The following GHR variants were observed in gnomAD, a reference collection of about 807,000 sequenced individuals.
GHR encodes the protein GH receptor.
In GHR, 35 loss-of-function variants were observed where a neutral mutation model predicts 67.1. The observed-to-expected ratio is 0.52, with a 90% CI of 0.40 to 0.69. The LOEUF (loss-of-function observed/expected upper bound fraction) is 0.69, where lower values mean the gene tolerates loss of function less well. Among genes scored for constraint, GHR ranks in the 30% least tolerant of loss-of-function variants. The pLI is 0.00. For synonymous variants in GHR, 272 were observed against 269.1 expected (o/e 1.01, Z -0.10); for missense variants, 792 against 764.6 (o/e 1.04, Z -0.42).
rs553269998 is a variant in GHR, at chr5:42,562,792, A to C, written c.-11-3072A>C. Among the ~76,000 whole-genome samples the C allele has an allele frequency of 1.7e-3, 262 of 151,738 alleles. 9 individuals carry two copies. The South Asian group carries it at 0.051, about 30-fold the overall frequency. ...CAGCCTCCCGAGTAGCTGGGATTAC[A>C]GGCATGCGCTGCCATGCCCAGCTAA... On this transcript the variant is annotated intron_variant, in intron 1 of 9. Coordinates refer to ENST00000230882, the MANE Select transcript of GHR (RefSeq NM_000163.5).
chr5:42,488,630 C>A (rs1745982793), intron 1 of GHR, among the ~76,000 whole-genome samples: 1 of 152,040 alleles, frequency 6.6e-6, no homozygotes, highest in African/African-American at 2.4e-5. Flanking sequence ...ATAGGGAAGA[C>A]CTACCAAATA....
intron 1 of GHR, among the ~76,000 whole-genome samples, chr5:42,483,255 T>C (rs1745733877): frequency 6.6e-6 from 1 of 152,148 alleles, no homozygotes; most frequent in Non-Finnish European, 1.5e-5. Context: ...TTTTGCCATG[T>C]TGCCCAGGCT....
rs985187200 is a variant in GHR at position 42,719,366 on chromosome 5, A to C, written c.1859A>C (p.Glu620Ala). 5 of 1,614,072 alleles carry C rather than the reference A, an allele frequency of 3.1e-6. No homozygotes were observed. The highest frequency in any genetic ancestry group is 3.4e-6 in the Non-Finnish European group (4 of 1,179,920). Reference sequence around the variant, plus strand: ...ACTGCCTTGCCCTTGCCTGACAAAGAGTTTCTCTCATCATGTGGCTATGTG... The same window carrying C: ...ACTGCCTTGCCCTTGCCTGACAAAGCGTTTCTCTCATCATGTGGCTATGTG... ...NATALPLPDKEFLSSCGYVST... is the reference protein window; with the variant it reads ...NATALPLPDKAFLSSCGYVST... Residue 620 changes from glutamate (E) to alanine (A), a missense_variant, in exon 10 of 10, where the codon GAG becomes GCG. By Grantham distance (107) the Glu-to-Ala change is moderately radical. Coordinates refer to ENST00000230882, the MANE Select transcript of GHR (RefSeq NM_000163.5).
At chr5:42,430,373 C>A (rs902323882) in intron 1 of GHR, among the ~76,000 whole-genome samples, 6 of 152,080 alleles carry the variant, frequency 3.9e-5, no homozygotes, top group Non-Finnish European at 8.8e-5. Flanking sequence ...TACACACACA[C>A]AAAAACATAT....
chr5:42,718,918 G>GCTCA lies in GHR; in HGVS notation c.1412_1413insTCAC (p.Ile473ProfsTer27). Reference sequence around the variant, plus strand: ...AGGAGCTGAGTCAACTCACCAAGCTGCCCATATTCAGCTAAGCAATCCAAG... The same window carrying GCTCA: ...AGGAGCTGAGTCAACTCACCAAGCTGCTCACCCATATTCAGCTAAGCAATCCAAG... On this transcript the variant is annotated frameshift_variant, in exon 10 of 10. Transcript: ENST00000230882. LOFTEE classifies it high-confidence loss of function. 8 of 1,614,120 alleles carry GCTCA rather than the reference G, an allele frequency of 5.0e-6. No homozygotes were observed. The highest frequency in any genetic ancestry group is 6.8e-6 in the Non-Finnish European group (8 of 1,180,008).
intron 1 of GHR, among the ~76,000 whole-genome samples, chr5:42,427,832 G>A (rs1358300284): frequency 3.3e-5 from 5 of 152,160 alleles, no homozygotes; most frequent in African/African-American, 1.2e-4. Context: ...GGGGCTATAG[G>A]TGCAAGTCCA....
At chr5:42,678,911 T>G (rs1756698457) in intron 3 of GHR, among the ~76,000 whole-genome samples, 1 of 149,954 alleles carries the variant, frequency 6.7e-6, no homozygotes, top group African/African-American at 2.4e-5. Flanking sequence ...AATAAGTATG[T>G]GAGAACATTT....
intron 1 of GHR, among the ~76,000 whole-genome samples, chr5:42,464,081 T>C (rs1323260340): frequency 1.5e-5 from 2 of 136,808 alleles, no homozygotes; most frequent in Non-Finnish European, 1.5e-5. Flanking sequence ...GTGCTCAGAG[T>C]CACATAACTT....
At chr5:42,582,407 C>T (rs900854885) in intron 2 of GHR, among the ~76,000 whole-genome samples, 4 of 152,226 alleles carry the variant, frequency 2.6e-5, no homozygotes, top group African/African-American at 9.7e-5. Flanking sequence ...TCATAAAATC[C>T]CTGGACTTAT....
intron 1 of GHR, among the ~76,000 whole-genome samples, chr5:42,452,425 G>A (rs1057381122): frequency 6.6e-6 from 1 of 152,098 alleles, no homozygotes; most frequent in African/African-American, 2.4e-5. Context: ...TGAGCTTCCT[G>A]TATTTGGATA....
Position 42,467,449 on chromosome 5 carries a change from C to T in GHR, c.-12+43494C>T, listed in dbSNP as rs112920422. 2,529 of 968,290 alleles carry T rather than the reference C, an allele frequency of 2.6e-3. 40 individuals carry two copies. The African/African-American group carries it at 0.036, about 14-fold the overall frequency. 60.0% of individuals were successfully genotyped at this position (968,290 alleles called of 1,614,324 possible). A position where few individuals can be genotyped will look rare whatever the true frequency, so the allele number is the denominator to read the frequency against. On this transcript the variant is annotated intron_variant, in intron 1 of 9. Coordinates refer to ENST00000230882, the MANE Select transcript of GHR (RefSeq NM_000163.5). ...GTTTGAGCTCCCAGTAAATGTTTTCCGACACTCATTACATTTACAGCATTT... is the reference window on the plus strand; with the variant it reads ...GTTTGAGCTCCCAGTAAATGTTTTCTGACACTCATTACATTTACAGCATTT...
At chr5:42,619,877 G>T (rs957201920) in intron 2 of GHR, 2 of 152,078 alleles carry the variant, frequency 1.3e-5, no homozygotes, top group African/African-American at 2.4e-5. Flanking sequence ...GTCTGAACAA[G>T]ATCTATGAAT....
intron 3 of GHR, among the ~76,000 whole-genome samples, chr5:42,683,011 AT>A (rs35660375): frequency 6.0e-5 from 9 of 150,044 alleles, no homozygotes; most frequent in Admixed American, 1.3e-4. Context: ...ATTTTTATAT[AT>A]TTTTTTTTGA....
At chr5:42,687,245 C>T (rs1300437181) in intron 3 of GHR, among the ~76,000 whole-genome samples, 4 of 152,122 alleles carry the variant, frequency 2.6e-5, no homozygotes, top group Admixed American at 6.5e-5. Flanking sequence ...CCATATTGCC[C>T]AAAGTAATTT....
intron 1 of GHR, among the ~76,000 whole-genome samples, chr5:42,496,897 T>C (rs1056933859): frequency 2.6e-4 from 39 of 152,302 alleles, no homozygotes; most frequent in African/African-American, 7.2e-4. Context: ...AGACACTCTG[T>C]TGGGTCACAT....
intron 1 of GHR, among the ~76,000 whole-genome samples, chr5:42,500,245 G>T (rs1746484557): frequency 6.6e-6 from 1 of 152,196 alleles, no homozygotes; most frequent in African/African-American, 2.4e-5. Flanking sequence ...GGGCCCAGAA[G>T]TTATCAGTGT....
intron 2 of GHR, among the ~76,000 whole-genome samples, chr5:42,605,436 C>T (rs1379132637): frequency 6.6e-6 from 1 of 152,002 alleles, no homozygotes; most frequent in East Asian, 1.9e-4. Flanking sequence ...TGTGCTTATT[C>T]AAACCACCAG....
chr5:42,529,780 A>C (rs1747875661), intron 1 of GHR, among the ~76,000 whole-genome samples: 1 of 152,110 alleles, frequency 6.6e-6, no homozygotes, highest in Admixed American at 6.6e-5. Flanking sequence ...TACTCTTGTC[A>C]TCCTTTCCAA....
intron 3 of GHR, among the ~76,000 whole-genome samples, chr5:42,631,162 T>C (rs6873545): frequency 0.31 from 47,329 of 152,028 alleles, 7,955 homozygotes; most frequent in African/African-American, 0.44. Flanking sequence ...AAACATTGTG[T>C]CTTGTTGAAA....
Sources: allele counts gnomAD v4.1 joint callset (sites outside exome capture counted in the v4.1 genomes callset), GRCh38; gene constraint gnomAD v4.1.1; transcripts MANE v1.5; gene names NCBI Gene and HGNC (gene_info 2026-07-23, HGNC 2026-07-21).